Variants in NCKAP5 observed in about 807,000 individuals in gnomAD.
The protein encoded by NCKAP5 is NCK associated protein 5, also known as nck-associated protein 5.
Under a neutral mutation model 167.0 loss-of-function variants are expected in NCKAP5, and 92 were observed. The observed-to-expected ratio is 0.55, with a 90% CI of 0.47 to 0.66. The LOEUF is 0.66. Ranked by LOEUF, NCKAP5 falls within the 30% of genes least tolerant of loss-of-function variation. The probability of loss-of-function intolerance (pLI) is 0.00; values close to 1 mark genes in which losing one functional copy is unlikely to be tolerated. For synonymous variants in NCKAP5, 891 were observed against 877.4 expected, an observed-to-expected ratio of 1.02 and a Z score of -0.27; for missense variants, 2,378 against 2,315.0, an observed-to-expected ratio of 1.03 and a Z score of -0.56.
At chr2:132,967,791 T>C (rs2076715370) in intron 7 of NCKAP5, among the ~76,000 whole-genome samples, 1 of 152,090 alleles carries the variant, frequency 6.6e-6, no homozygotes, top group Non-Finnish European at 1.5e-5. Context: ...CCAAATCAAA[T>C]CTGTAAGTAA....
intron 3 of NCKAP5, among the ~76,000 whole-genome samples, chr2:133,448,031 T>C (rs1049876495): frequency 9.9e-5 from 15 of 152,196 alleles, no homozygotes; most frequent in African/African-American, 3.4e-4. Flanking sequence ...ATGTCATAAA[T>C]AGGCTAGCAA....
At chr2:133,341,648 G>C (rs187447940) in intron 3 of NCKAP5, among the ~76,000 whole-genome samples, 1 of 152,144 alleles carries the variant, frequency 6.6e-6, no homozygotes, top group Non-Finnish European at 1.5e-5. Context: ...GTGTTCAAAT[G>C]TCCTCCCAAA....
chr2:133,167,408 C>A (rs1033218991), intron 5 of NCKAP5, among the ~76,000 whole-genome samples: 2 of 152,128 alleles, frequency 1.3e-5, no homozygotes, highest in African/African-American at 4.8e-5. Flanking sequence ...GTGTATGATG[C>A]AACAATAATA....
At chr2:133,572,294 T>A (rs1688895221), upstream of NCKAP5, among the ~76,000 whole-genome samples, 1 of 152,254 alleles carries the variant, frequency 6.6e-6, no homozygotes, top group Non-Finnish European at 1.5e-5. Flanking sequence ...GATTCCTATA[T>A]GCAAATATAT....
At chr2:132,753,859 T>C (rs1231178713) in intron 16 of NCKAP5, among the ~76,000 whole-genome samples, 5 of 152,160 alleles carry the variant, frequency 3.3e-5, no homozygotes, top group South Asian at 4.1e-4. Context: ...TACTTGAGCA[T>C]GTCCAACTGC....
rs560740622 is a variant in NCKAP5, at chr2:133,450,222, G to C, written c.69+67236C>G. ...TCTGTGCTGCCCATCTGTTCTCCAG[G>C]CTAATCTTCCCTGTTCTGTTATCCA... On this transcript the variant is annotated intron_variant, in intron 3 of 19. Transcript: ENST00000409261. 1.9e-3 allele frequency among the ~76,000 whole-genome samples: 287 copies of C among 152,182 alleles called. 1 individual carries two copies. The highest frequency in any genetic ancestry group is 6.7e-3 in the African/African-American group (279 of 41,510).
intron 6 of NCKAP5, among the ~76,000 whole-genome samples, chr2:133,025,799 G>T (rs2078675586): frequency 6.6e-6 from 1 of 152,150 alleles, no homozygotes; most frequent in Non-Finnish European, 1.5e-5. Flanking sequence ...TGATGAGACT[G>T]CCCAGAAAGG....
At chr2:133,420,679 G>A (rs1356941909) in intron 3 of NCKAP5, among the ~76,000 whole-genome samples, 1 of 152,170 alleles carries the variant, frequency 6.6e-6, no homozygotes, top group Non-Finnish European at 1.5e-5. Flanking sequence ...ATTTTTGGGT[G>A]AGCTGCTACG....
Position 132,688,990 on chromosome 2 carries a change from A to C in NCKAP5, c.5714-15685T>G, listed in dbSNP as rs979422254. Among the ~76,000 whole-genome samples the C allele has an allele frequency of 5.3e-4, 80 of 150,972 alleles. 2 individuals are homozygous for C. Among genetic ancestry groups the C allele is most frequent in the African/African-American group, 1.8e-3 (75 of 41,202 alleles). On this transcript the variant is annotated intron_variant, in intron 19 of 19. Transcript: ENST00000409261. ...GGTGGAATGAGACACCAACTCAAAAAAAAAAAAAAAAAAAAGCCTCTTTCC... is the reference window on the plus strand; with the variant it reads ...GGTGGAATGAGACACCAACTCAAAACAAAAAAAAAAAAAAAGCCTCTTTCC...
At position 132,783,788 on chromosome 2, in the gene NCKAP5, G is replaced by A. The variant is rs1347930679; in HGVS notation, c.3023C>T (p.Pro1008Leu). 6.4e-7 allele frequency: 1 copy of A among 1,554,628 alleles called. No homozygotes were observed. Among genetic ancestry groups the A allele is most frequent in the Non-Finnish European group, 8.7e-7 (1 of 1,152,782 alleles). The part of the protein sequence containing the change: ...VAFKKPIFTH[P>L]MPSPEAVIQT... ...AATGACTGCTTCTGGGGAGGGCATA[G>A]GGTGAGTGAAGATAGGCTTTTTGAA... The change falls in exon 14 of 20, where the codon CCT becomes CTT. Residue 1008 changes from proline to leucine, a missense_variant. Pro to Leu is a moderately conservative substitution (Grantham distance 98). This residue lies in a region of NCKAP5 where 1,325 missense variants were observed against 1,274.5 expected (regional missense o/e 1.04). Coordinates refer to ENST00000409261, the MANE Select transcript of NCKAP5 (RefSeq NM_207363.3).
intron 3 of NCKAP5, among the ~76,000 whole-genome samples, chr2:133,404,191 G>C (rs2151031452): frequency 6.6e-6 from 1 of 152,228 alleles, no homozygotes; most frequent in Admixed American, 6.5e-5. Flanking sequence ...ATCATGACTG[G>C]GTAGAAAATG....
At chr2:133,048,177 G>A (rs546588888) in intron 6 of NCKAP5, among the ~76,000 whole-genome samples, 7 of 152,252 alleles carry the variant, frequency 4.6e-5, no homozygotes, top group Admixed American at 6.5e-5. Context: ...CCCTGTAAGC[G>A]TAGCAGTGAA....
chr2:132,780,058 C>G (rs1682887666), intron 15 of NCKAP5, among the ~76,000 whole-genome samples: 1 of 152,164 alleles, frequency 6.6e-6, no homozygotes, highest in Non-Finnish European at 1.5e-5. Flanking sequence ...GAAGAATGTA[C>G]AGAGAGTAAG....
intron 3 of NCKAP5, among the ~76,000 whole-genome samples, chr2:133,400,757 T>G (rs892206715): frequency 6.6e-6 from 1 of 152,214 alleles, no homozygotes; most frequent in African/African-American, 2.4e-5. Context: ...ATGGTATCGA[T>G]TTATTTTTAA....
chr2:132,857,391 A>C (rs764332697), intron 11 of NCKAP5, among the ~76,000 whole-genome samples: 48 of 152,198 alleles, frequency 3.2e-4, no homozygotes, highest in Non-Finnish European at 6.0e-4. Flanking sequence ...TAGCAGACCT[A>C]CTAAGTTACA....
At chr2:133,335,667 T>C (rs1683163663) in intron 3 of NCKAP5, among the ~76,000 whole-genome samples, 1 of 152,232 alleles carries the variant, frequency 6.6e-6, no homozygotes, top group South Asian at 2.1e-4. Context: ...TTGCATATTC[T>C]ATGTTGCCAT....
intron 3 of NCKAP5, among the ~76,000 whole-genome samples, chr2:133,372,218 G>C (rs762885847): frequency 3.2e-4 from 49 of 152,162 alleles, no homozygotes; most frequent in Non-Finnish European, 5.6e-4. Context: ...AAAGACGGTG[G>C]TGATGGAAAA....
At chr2:133,202,936 TTGG>T (rs2085766098) in intron 5 of NCKAP5, among the ~76,000 whole-genome samples, 1 of 152,150 alleles carries the variant, frequency 6.6e-6, no homozygotes, top group South Asian at 2.1e-4. Flanking sequence ...TTTTACACTG[TTGG>T]TGGGACTGTA....
chr2:133,220,014 T>C (rs2086594830), intron 4 of NCKAP5, among the ~76,000 whole-genome samples: 1 of 152,238 alleles, frequency 6.6e-6, no homozygotes. Context: ...GGGACTAGTA[T>C]CTTTTTCATG....
Sources: allele counts gnomAD v4.1 joint callset (sites outside exome capture counted in the v4.1 genomes callset), GRCh38; gene constraint gnomAD v4.1.1; regional missense constraint gnomAD v4.1.1; transcripts MANE v1.5; gene names NCBI Gene and HGNC (gene_info 2026-07-23, HGNC 2026-07-21).